TRPM3: variants seen among roughly 807,000 people sequenced by gnomAD.
The protein encoded by TRPM3 is transient receptor potential cation channel subfamily M member 3.
A neutral mutation model predicts 181.2 loss-of-function variants in TRPM3; 77 were observed. The ratio of observed to expected loss-of-function variants is 0.42; its 90% CI spans 0.35 to 0.51. The LOEUF (loss-of-function observed/expected upper bound fraction) is 0.51. Ranked by LOEUF, TRPM3 falls within the 20% of genes least tolerant of loss-of-function variation. The pLI is 0.01. For synonymous variants in TRPM3, 745 were observed against 796.4 expected, an observed-to-expected ratio of 0.94 and a Z score of 1.09; for missense variants, 1,759 against 2,196.7, an observed-to-expected ratio of 0.80 and a Z score of 3.98.
intron 6 of TRPM3, among the ~76,000 whole-genome samples, chr9:70,802,637 C>T (rs1159515240): frequency 6.6e-6 from 1 of 152,056 alleles, no homozygotes; most frequent in Non-Finnish European, 1.5e-5. Context: ...TTTGGTTGTA[C>T]AGGATTGATA....
chr9:71,137,412 A>G (rs140581836), intron 1 of TRPM3, among the ~76,000 whole-genome samples: 2 of 152,344 alleles, frequency 1.3e-5, no homozygotes, highest in African/African-American at 4.8e-5. Context: ...GTAAGTCAAT[A>G]CATAAGACCA....
chr9:70,694,198 T>C (rs894442434), intron 8 of TRPM3, among the ~76,000 whole-genome samples: 2 of 152,204 alleles, frequency 1.3e-5, no homozygotes, highest in African/African-American at 4.8e-5. Context: ...AGACTGACCG[T>C]ATGAGGTCCT....
At chr9:70,848,530 C>G (rs1438459341) in intron 3 of TRPM3, among the ~76,000 whole-genome samples, 1 of 152,192 alleles carries the variant, frequency 6.6e-6, no homozygotes, top group African/African-American at 2.4e-5. Context: ...ACCTCACTTA[C>G]ATACACATCA....
intron 6 of TRPM3, among the ~76,000 whole-genome samples, chr9:70,822,455 G>T (rs185978815): frequency 7.2e-5 from 11 of 152,014 alleles, no homozygotes; most frequent in African/African-American, 2.4e-4. Flanking sequence ...TTAGGACAAA[G>T]ATTTTATAAT....
intron 1 of TRPM3, among the ~76,000 whole-genome samples, chr9:71,286,195 G>A (rs893595219): frequency 1.3e-5 from 2 of 152,146 alleles, no homozygotes; most frequent in African/African-American, 4.8e-5. Context: ...CATCAGACCA[G>A]GTTTAGTAGT....
At chr9:71,159,314 T>C (rs1043733597) in intron 1 of TRPM3, among the ~76,000 whole-genome samples, 1 of 152,002 alleles carries the variant, frequency 6.6e-6, no homozygotes, top group African/African-American at 2.4e-5. Context: ...CGCAATGATC[T>C]ATAGAAGCCC....
intron 3 of TRPM3, among the ~76,000 whole-genome samples, chr9:70,853,084 G>A (rs2095286530): frequency 6.6e-6 from 1 of 152,194 alleles, no homozygotes. Flanking sequence ...TTTCAGCACT[G>A]GCTATGAAGT....
chr9:71,187,449 G>A (rs1329397848), intron 1 of TRPM3, among the ~76,000 whole-genome samples: 1 of 151,916 alleles, frequency 6.6e-6, no homozygotes, highest in African/African-American at 2.4e-5. Context: ...AAAGGGATGA[G>A]AGAATAGCGA....
chr9:71,183,134 G>A (rs558476306), intron 1 of TRPM3, among the ~76,000 whole-genome samples: 4 of 151,918 alleles, frequency 2.6e-5, no homozygotes, highest in South Asian at 2.1e-4. Flanking sequence ...TGTATTTTAC[G>A]TTATTCAACA....
At chr9:70,777,251 C>T (rs12005192) in intron 7 of TRPM3, among the ~76,000 whole-genome samples, 1 of 152,060 alleles carries the variant, frequency 6.6e-6, no homozygotes. Context: ...ACACTCTTTC[C>T]TAAAGAGTTT....
intron 6 of TRPM3, among the ~76,000 whole-genome samples, chr9:70,818,844 A>G (rs984204564): frequency 4.6e-5 from 7 of 152,246 alleles, no homozygotes; most frequent in Admixed American, 4.6e-4. Flanking sequence ...GAAATTAGAT[A>G]TGAGGAAGAA....
At chr9:70,611,085 C>A (rs2061929992) in intron 18 of TRPM3, among the ~76,000 whole-genome samples, 1 of 152,154 alleles carries the variant, frequency 6.6e-6, no homozygotes, top group South Asian at 2.1e-4. Flanking sequence ...GGAATCTATT[C>A]TTCCTCCCCA....
In TRPM3 at chr9:71,060,743, C is replaced by A. The variant is rs13302073; in HGVS notation, c.177+60435G>T. 6.8e-3 allele frequency among the ~76,000 whole-genome samples: 1,028 copies of A among 152,208 alleles called. 2 individuals are homozygous for A. Among genetic ancestry groups the A allele is most frequent in the South Asian group, 0.015 (74 of 4,828 alleles). Reference sequence around the variant, plus strand: ...AAGCCCTTATTTGTCAAAGCATTGACAGTACTCTTTGAAAGCATTGAATGT... The same window carrying A: ...AAGCCCTTATTTGTCAAAGCATTGAAAGTACTCTTTGAAAGCATTGAATGT... On this transcript the variant is annotated intron_variant, in intron 1 of 25. Coordinates refer to ENST00000677713, the MANE Select transcript of TRPM3 (RefSeq NM_001366145.2).
At chr9:70,969,756 T>TATATATATATATATATATA (rs2097220204) in intron 1 of TRPM3, among the ~76,000 whole-genome samples, 1 of 126,590 alleles carries the variant, frequency 7.9e-6, no homozygotes. Flanking sequence ...CTGAATGATT[T>TATATATATATATATATATA]TATATATATA....
intron 1 of TRPM3, among the ~76,000 whole-genome samples, chr9:71,281,708 C>T (rs756555934): frequency 6.6e-6 from 1 of 152,104 alleles, no homozygotes; most frequent in Non-Finnish European, 1.5e-5. Flanking sequence ...ATAAAAATTA[C>T]AGGAGAAAAC....
chr9:70,688,529 A>G (rs1238510071), intron 8 of TRPM3, among the ~76,000 whole-genome samples: 4 of 152,148 alleles, frequency 2.6e-5, no homozygotes, highest in African/African-American at 9.7e-5. Flanking sequence ...CTTATTAGTG[A>G]AAACATACCA....
intron 1 of TRPM3, among the ~76,000 whole-genome samples, chr9:71,238,551 G>A (rs955935089): frequency 3.9e-5 from 6 of 151,956 alleles, no homozygotes; most frequent in Non-Finnish European, 7.4e-5. Context: ...CAGTATCTAC[G>A]GACTAAGGAA....
At chr9:71,188,572 G>A (rs1659852038) in intron 1 of TRPM3, among the ~76,000 whole-genome samples, 1 of 151,828 alleles carries the variant, frequency 6.6e-6, no homozygotes, top group Admixed American at 6.6e-5. Context: ...CAACCACTGA[G>A]TTTGAAGAAC....
chr9:70,851,517 T>G (rs1275323816), intron 3 of TRPM3, among the ~76,000 whole-genome samples: 2 of 152,180 alleles, frequency 1.3e-5, no homozygotes, highest in Non-Finnish European at 2.9e-5. Flanking sequence ...AATATAACAG[T>G]AAGAAATGAA....
Sources: gnomAD v4.1 joint callset for allele counts (sites outside exome capture counted in the v4.1 genomes callset) on GRCh38, gnomAD v4.1.1 for gene constraint, MANE v1.5 for transcripts, NCBI Gene and HGNC (gene_info 2026-07-23, HGNC 2026-07-21) for gene names.